The following SERPINE2 variants were observed in gnomAD, a reference collection of about 807,000 sequenced individuals.
The protein encoded by SERPINE2 is glia-derived nexin.
SERPINE2 carries 14 observed loss-of-function variants against 36.3 expected under a neutral mutation model. The observed-to-expected ratio is 0.39, with a 90% confidence interval of 0.25 to 0.60. The LOEUF is 0.60. SERPINE2 is among the 20% of genes least tolerant of loss of function. The pLI is 0.57. For synonymous variants in SERPINE2, 192 were observed against 191.8 expected, an observed-to-expected ratio of 1.00 and a Z score of -0.01; for missense variants, 418 against 499.6, an observed-to-expected ratio of 0.84 and a Z score of 1.56.
chr2:223,983,508 C>T (rs1026485827), intron 5 of SERPINE2, among the ~76,000 whole-genome samples: 1 of 152,106 alleles, frequency 6.6e-6, no homozygotes, highest in African/African-American at 2.4e-5. Flanking sequence ...CCACCTCGGC[C>T]TCCCAAAGTG....
chr2:224,025,434 T>G (rs1692150649), intron 1 of SERPINE2, among the ~76,000 whole-genome samples: 1 of 152,258 alleles, frequency 6.6e-6, no homozygotes, highest in Admixed American at 6.5e-5. Flanking sequence ...CCATGCATGC[T>G]TGGATATAGG....
chr2:224,018,347 C>A (rs1487405415), intron 1 of SERPINE2, among the ~76,000 whole-genome samples: 11 of 152,080 alleles, frequency 7.2e-5, no homozygotes, highest in African/African-American at 2.7e-4. Flanking sequence ...CCAGACCAGC[C>A]CTGCCTCAGT....
chr2:224,038,746 G>C (rs1418511627), intron 1 of SERPINE2: 2 of 550,256 alleles, frequency 3.6e-6, no homozygotes, highest in South Asian at 5.0e-5. Context: ...GTCAGGGCCG[G>C]CTCGGATGGC....
chr2:224,023,636 A>G (rs1220841252), intron 1 of SERPINE2, among the ~76,000 whole-genome samples: 1 of 152,256 alleles, frequency 6.6e-6, no homozygotes, highest in African/African-American at 2.4e-5. Context: ...GAAATAAAAC[A>G]GAGAACATCT....
At chr2:224,028,239 C>A (rs62188374) in intron 1 of SERPINE2, among the ~76,000 whole-genome samples, 1,958 of 152,300 alleles carry the variant, frequency 0.013, 25 homozygotes, top group Non-Finnish European at 0.016. Flanking sequence ...ACTTGAGTCA[C>A]TGTATTTCCT....
chr2:224,032,843 T>G (rs1427304556), intron 1 of SERPINE2, among the ~76,000 whole-genome samples: 2 of 152,170 alleles, frequency 1.3e-5, no homozygotes, highest in African/African-American at 4.8e-5. Context: ...TTGCTTGGGC[T>G]CAGTGGCCAT....
At chr2:223,997,990 G>T in intron 3 of SERPINE2, 125 bp downstream of exon 3, 1 of 713,620 alleles carries the variant, frequency 1.4e-6, no homozygotes, top group Non-Finnish European at 2.4e-6. Flanking sequence ...GAGCTTCCTT[G>T]GTCCAGGAGT....
At chr2:224,010,475 T>C in intron 1 of SERPINE2, 1 of 579,830 alleles carries the variant, frequency 1.7e-6, no homozygotes, top group Non-Finnish European at 2.2e-6. Flanking sequence ...GAAATCTCTT[T>C]GGGTTGATGG....
At chr2:224,037,460 T>G (rs1403603919) in intron 1 of SERPINE2, among the ~76,000 whole-genome samples, 1 of 152,218 alleles carries the variant, frequency 6.6e-6, no homozygotes, top group African/African-American at 2.4e-5. Context: ...CTTAGAGGAC[T>G]TGGTAGCTGG....
chr2:224,001,995 C>T lies in SERPINE2; in HGVS notation c.-22-73G>A, dbSNP rs1256486355. ...TTTACTACTTTTTTTTTTTTTCCCC[C>T]AGATAGAGACTCGTTCTTTCACCCA... On this transcript the variant is annotated intron_variant, in intron 1 of 8. Coordinates refer to ENST00000409304, the MANE Select transcript of SERPINE2 (RefSeq NM_001136528.2). 25 of 1,304,238 alleles carry T rather than the reference C, an allele frequency of 1.9e-5. No homozygotes were observed. In the East Asian group the frequency reaches 5.8e-4, roughly 30 times the overall value. The allele number at this position is 1,304,238 out of a possible 1,614,324, so 80.8% of individuals were successfully genotyped here.
intron 1 of SERPINE2, among the ~76,000 whole-genome samples, chr2:224,027,077 G>C (rs750465453): frequency 6.6e-6 from 1 of 152,204 alleles, no homozygotes; most frequent in Non-Finnish European, 1.5e-5. Flanking sequence ...GTGTTTACCA[G>C]CTATGTGCCA....
At chr2:224,038,547 G>A (rs1167275846) in intron 1 of SERPINE2, 1 of 1,548,088 alleles carries the variant, frequency 6.5e-7, no homozygotes, top group Admixed American at 2.0e-5. Context: ...AAATAGCAAA[G>A]ACCTGCTCGC....
chr2:224,009,323 G>A (rs1691541137), intron 1 of SERPINE2, among the ~76,000 whole-genome samples: 1 of 152,036 alleles, frequency 6.6e-6, no homozygotes, highest in South Asian at 2.1e-4. Context: ...GCTACAGCAG[G>A]TAGAGAAAAA....
chr2:224,010,382 G>T (rs1691584238), intron 1 of SERPINE2: 1 of 984,632 alleles, frequency 1.0e-6, no homozygotes, highest in South Asian at 4.7e-5. Context: ...ACATCCAAAT[G>T]GTCCCTTCAA....
chr2:224,005,064 A>ATT lies in SERPINE2; in HGVS notation c.-22-3144_-22-3143dup, dbSNP rs1227787139. Among the ~76,000 whole-genome samples the ATT allele has an allele frequency of 3.7e-4, 33 of 89,816 alleles. 1 individual carries two copies. Among genetic ancestry groups the ATT allele is most frequent in the African/African-American group, 2.7e-3 (31 of 11,346 alleles). 58.9% of individuals were successfully genotyped at this position (89,816 alleles called of 152,430 possible). A position where few individuals can be genotyped will look rare whatever the true frequency, so the allele number is the denominator to read the frequency against. ...AATATATTTTATATATTTTATATAT[A>ATT]TTATATATATATATATATATATATA... On this transcript the variant is annotated intron_variant, in intron 1 of 8. Transcript: ENST00000409304.
intron 3 of SERPINE2, 41 bp from the exon 4 acceptor site, chr2:223,992,041 G>A: frequency 1.9e-6 from 3 of 1,584,724 alleles, no homozygotes; most frequent in Non-Finnish European, 2.6e-6. Context: ...ATAACCTCAG[G>A]ACTGGTGGCC....
At chr2:224,007,774 A>AT (rs1264121690) in intron 1 of SERPINE2, among the ~76,000 whole-genome samples, 16 of 152,040 alleles carry the variant, frequency 1.1e-4, no homozygotes, top group Non-Finnish European at 2.1e-4. Flanking sequence ...TAACCTTGGA[A>AT]TTTTTTCTGT....
chr2:224,011,957 G>A (rs926176941), intron 1 of SERPINE2, among the ~76,000 whole-genome samples: 1 of 152,174 alleles, frequency 6.6e-6, no homozygotes, highest in African/African-American at 2.4e-5. Flanking sequence ...TGTTGCTAAT[G>A]GTTTATACCT....
intron 6 of SERPINE2, 127 bp from the exon 7 acceptor site, chr2:223,980,524 C>T: frequency 2.8e-6 from 2 of 716,580 alleles, no homozygotes; most frequent in East Asian, 5.5e-5. Flanking sequence ...AAGACATGAC[C>T]TCTGACAGTC....
Sources: gnomAD v4.1 joint callset for allele counts (sites outside exome capture counted in the v4.1 genomes callset) on GRCh38, gnomAD v4.1.1 for gene constraint, MANE v1.5 for transcripts, NCBI Gene and HGNC (gene_info 2026-07-23, HGNC 2026-07-21) for gene names.